RIMS2: variants seen among roughly 807,000 people sequenced by gnomAD.
RIMS2 encodes the protein regulating synaptic membrane exocytosis protein 2.
In RIMS2, 59 loss-of-function variants were observed where a neutral mutation model predicts 174.4. The observed-to-expected ratio is 0.34, with a 90% CI of 0.27 to 0.42. The LOEUF is 0.42. Among genes scored for constraint, RIMS2 ranks in the 10% least tolerant of loss-of-function variants. The pLI is 1.00. For synonymous variants in RIMS2, 606 were observed against 572.5 expected, an observed-to-expected ratio of 1.06 and a Z score of -0.84; for missense variants, 1,620 against 1,666.3, an observed-to-expected ratio of 0.97 and a Z score of 0.48.
intron 19 of RIMS2, 107 bp from the exon 24 acceptor site, chr8:104,093,364 G>A (rs953028992): frequency 2.8e-6 from 2 of 717,532 alleles, no homozygotes; most frequent in Non-Finnish European, 4.4e-6. Flanking sequence ...GTGGGATTTT[G>A]CAGTTTCCTC....
At chr8:104,140,726 AC>A (rs2098558503) in intron 19 of RIMS2, among the ~76,000 whole-genome samples, 1 of 152,096 alleles carries the variant, frequency 6.6e-6, no homozygotes, top group Non-Finnish European at 1.5e-5. Flanking sequence ...CTGCCTTGGG[AC>A]CTAACACCAA....
chr8:103,866,581 G>A (rs1026076647), intron 3 of RIMS2, among the ~76,000 whole-genome samples: 3 of 151,982 alleles, frequency 2.0e-5, no homozygotes, highest in Non-Finnish European at 4.4e-5. Context: ...CTCCAATTTT[G>A]CTACATACCT....
chr8:103,554,302 T>C (rs1197231149), intron 1 of RIMS2, among the ~76,000 whole-genome samples: 1 of 152,050 alleles, frequency 6.6e-6, no homozygotes, highest in Non-Finnish European at 1.5e-5. Context: ...CCAGCAAAGG[T>C]CTACTATCCA....
chr8:104,172,791 A>G (rs1470456968), intron 19 of RIMS2, among the ~76,000 whole-genome samples: 2 of 152,248 alleles, frequency 1.3e-5, no homozygotes, highest in Non-Finnish European at 2.9e-5. Flanking sequence ...GTGTGGAAAT[A>G]GATTCCCAAA....
intron 3 of RIMS2, among the ~76,000 whole-genome samples, chr8:103,783,115 G>A (rs1338790457): frequency 6.6e-6 from 1 of 152,094 alleles, no homozygotes; most frequent in Non-Finnish European, 1.5e-5. Flanking sequence ...AAGCTCCCTG[G>A]TTGTTGACAG....
chr8:103,817,279 G>A (rs541924345), intron 3 of RIMS2, among the ~76,000 whole-genome samples: 1 of 152,274 alleles, frequency 6.6e-6, no homozygotes, highest in South Asian at 2.1e-4. Context: ...CCACTGGCAG[G>A]TAGTTTTCCT....
At chr8:104,034,577 C>T (rs1027440774) in intron 19 of RIMS2, among the ~76,000 whole-genome samples, 1 of 145,972 alleles carries the variant, frequency 6.9e-6, no homozygotes, top group Non-Finnish European at 1.5e-5. Context: ...TCAAGCGATT[C>T]TCCTGCCTCA....
chr8:103,596,790 A>G (rs1156938750), intron 1 of RIMS2, among the ~76,000 whole-genome samples: 1 of 151,482 alleles, frequency 6.6e-6, no homozygotes, highest in Non-Finnish European at 1.5e-5. Flanking sequence ...TAATAATAAG[A>G]AAAAAGAATA....
chr8:103,704,831 C>T (rs1278453528), intron 2 of RIMS2, among the ~76,000 whole-genome samples: 1 of 151,762 alleles, frequency 6.6e-6, no homozygotes, highest in Non-Finnish European at 1.5e-5. Flanking sequence ...TTTTTTATCT[C>T]TGATTTTATT....
chr8:103,782,564 G>A (rs916180861), intron 3 of RIMS2, among the ~76,000 whole-genome samples: 1 of 151,800 alleles, frequency 6.6e-6, no homozygotes, highest in Admixed American at 6.6e-5. Flanking sequence ...TTAAGTTTTT[G>A]TAGTCATTGC....
intron 1 of RIMS2, among the ~76,000 whole-genome samples, chr8:103,548,028 C>G (rs548203998): frequency 6.6e-6 from 1 of 152,116 alleles, no homozygotes; most frequent in South Asian, 2.1e-4. Flanking sequence ...AAAACCCTAT[C>G]AATTAAAAAA....
At chr8:104,068,417 T>C (rs1378303139) in intron 19 of RIMS2, 95 bp from the exon 23 acceptor site, 3 of 587,202 alleles carry the variant, frequency 5.1e-6, no homozygotes, top group Non-Finnish European at 9.1e-6. Context: ...GAAAGTAATA[T>C]ACCAGCCTGG....
At position 103,550,740 on chromosome 8, in the gene RIMS2, A is replaced by G. The variant is rs187900935; in HGVS notation, c.176+49678A>G. ...CTAATAAAGAAGAAAAGAGAGAAGT[A>G]TCAAATAGATACAATAAAAAATGAT... On this transcript the variant is annotated intron_variant, in intron 1 of 23. Coordinates refer to ENST00000504942, the Ensembl canonical transcript of RIMS2. Among the ~76,000 whole-genome samples, 58 of 152,348 alleles carry G rather than the reference A, an allele frequency of 3.8e-4. No individual in the cohort carries two copies. In the East Asian group the frequency reaches 8.3e-3, roughly 22 times the overall value.
chr8:103,827,525 A>C (rs977147423), intron 3 of RIMS2, among the ~76,000 whole-genome samples: 4 of 152,192 alleles, frequency 2.6e-5, no homozygotes, highest in Non-Finnish European at 4.4e-5. Context: ...TCTTTGTTAA[A>C]TAATAGTTTT....
chr8:104,254,134 A>T (rs766612960), downstream of RIMS2: 26 of 152,160 alleles, frequency 1.7e-4, no homozygotes, highest in Non-Finnish European at 3.2e-4. Context: ...TTCTAATTTT[A>T]ATAAGAAGGA....
chr8:103,787,850 A>T (rs2098458399), intron 3 of RIMS2, among the ~76,000 whole-genome samples: 1 of 151,914 alleles, frequency 6.6e-6, no homozygotes, highest in Admixed American at 6.6e-5. Flanking sequence ...CTCCTGGATA[A>T]TATCCTGCAG....
chr8:103,674,194 T>C (rs1347100284), intron 1 of RIMS2, among the ~76,000 whole-genome samples: 1 of 152,240 alleles, frequency 6.6e-6, no homozygotes, highest in Admixed American at 6.5e-5. Context: ...TGGTCACAAC[T>C]GTTTAATCAG....
chr8:104,193,062 TCTCC>T (rs1189396513), intron 19 of RIMS2, among the ~76,000 whole-genome samples: 2 of 151,686 alleles, frequency 1.3e-5, no homozygotes, highest in Non-Finnish European at 2.9e-5. Context: ...TCTCTCTCTC[TCTCC>T]CTCCCTCCCT....
In RIMS2 at chr8:104,101,670, G is replaced by A. The variant is rs552752016; in HGVS notation, c.3334+87055G>A. ...CCTTTCTTTCTTTTATTTTGTGTGT[G>A]TTAGGAGTACCTAAAATCTACTCTC... On this transcript the variant is annotated intron_variant, in intron 19 of 23. Transcript: ENST00000504942. Among the ~76,000 whole-genome samples the A allele has an allele frequency of 2.6e-5, 4 of 152,072 alleles. No homozygotes were observed. In the East Asian group the frequency reaches 7.7e-4, roughly 29 times the overall value.
Sources: gnomAD v4.1 joint callset for allele counts (sites outside exome capture counted in the v4.1 genomes callset) on GRCh38, gnomAD v4.1.1 for gene constraint, MANE v1.5 for transcripts, NCBI Gene and HGNC (gene_info 2026-07-23, HGNC 2026-07-21) for gene names.